The following CLVS1 variants were observed in gnomAD, a reference collection of about 807,000 sequenced individuals.
CLVS1 encodes clavesin 1, also known as clavesin-1.
Under a neutral mutation model 33.1 loss-of-function variants are expected in CLVS1, and 10 were observed. The observed-to-expected ratio is 0.30, with a 90% CI of 0.19 to 0.51. The LOEUF (loss-of-function observed/expected upper bound fraction) is 0.51. Ranked by LOEUF, CLVS1 falls within the 20% of genes least tolerant of loss-of-function variation. The pLI is 0.97. For synonymous variants in CLVS1, 163 were observed against 166.1 expected (o/e 0.98, Z 0.14); for missense variants, 343 against 433.4 (o/e 0.79, Z 1.85).
chr8:61,095,728 G>A (rs919728939), intron 1 of CLVS1, among the ~76,000 whole-genome samples: 17 of 152,192 alleles, frequency 1.1e-4, no homozygotes, highest in Non-Finnish European at 2.9e-5. Context: ...CAAGCATAGG[G>A]ATCAGGATGT....
At chr8:61,284,779 T>C (rs1287667840), upstream of CLVS1, among the ~76,000 whole-genome samples, 1 of 152,192 alleles carries the variant, frequency 6.6e-6, no homozygotes, top group Non-Finnish European at 1.5e-5. Flanking sequence ...TAAAACTAAA[T>C]ATTTATGCCA....
chr8:60,966,284 T>C, the CLVS1 span: 2 of 440,426 alleles, frequency 4.5e-6, no homozygotes. Context: ...ATGGGTGAGC[T>C]ATGCAGCCCA....
chr8:61,171,689 A>T (rs1807003823), intron 2 of CLVS1, among the ~76,000 whole-genome samples: 1 of 152,212 alleles, frequency 6.6e-6, no homozygotes, highest in Non-Finnish European at 1.5e-5. Flanking sequence ...CTGAGTGCAC[A>T]AGGGGATAAA....
At chr8:61,372,238 T>G (rs1394864399) in intron 2 of CLVS1, among the ~76,000 whole-genome samples, 1 of 152,122 alleles carries the variant, frequency 6.6e-6, no homozygotes, top group African/African-American at 2.4e-5. Flanking sequence ...TGTAAATGAT[T>G]TGGTAGAATG....
intron 3 of CLVS1, among the ~76,000 whole-genome samples, chr8:61,425,168 G>A (rs960235990): frequency 6.6e-6 from 1 of 152,148 alleles, no homozygotes; most frequent in African/African-American, 2.4e-5. Flanking sequence ...TGAACCTGTA[G>A]CCCATCTACC....
At chr8:61,241,094 G>A (rs1304913648) in intron 2 of CLVS1, among the ~76,000 whole-genome samples, 1 of 151,978 alleles carries the variant, frequency 6.6e-6, no homozygotes, top group Non-Finnish European at 1.5e-5. Context: ...TCCTTACATG[G>A]CAGTCACCTA....
intron 5 of CLVS1, among the ~76,000 whole-genome samples, chr8:61,473,505 T>A (rs1333095266): frequency 2.0e-5 from 3 of 152,142 alleles, no homozygotes; most frequent in Non-Finnish European, 2.9e-5. Flanking sequence ...GAAAAGTTTT[T>A]GCAAATGAGT....
intron 2 of CLVS1, among the ~76,000 whole-genome samples, chr8:61,212,001 G>T (rs1242181221): frequency 2.0e-5 from 3 of 152,198 alleles, no homozygotes; most frequent in Admixed American, 6.5e-5. Flanking sequence ...TCGATCCTCT[G>T]GGGGGAGTAT....
rs774679935 is a variant in CLVS1 at position 61,300,195 on chromosome 8, T to A, written c.368T>A (p.Ile123Asn). The A allele has an allele frequency of 1.9e-6, 3 of 1,614,014 alleles. No individual in the cohort carries two copies. The highest frequency in any genetic ancestry group is 2.5e-6 in the Non-Finnish European group (3 of 1,179,956). Reference protein sequence around the residue: ...ADDPGIKRALIDGFPGVLENR... With the variant: ...ADDPGIKRALNDGFPGVLENR... ...GATCCCGGCATTAAGAGGGCTCTGA[T>A]CGATGGGTTCCCCGGGGTGCTGGAA... Residue 123 changes from isoleucine to asparagine, a missense_variant, in exon 2 of 6, where the codon ATC (isoleucine) becomes AAC (asparagine). Coordinates refer to ENST00000325897, the MANE Select transcript of CLVS1 (RefSeq NM_173519.3).
chr8:61,010,367 A>G, the CLVS1 span, among the ~76,000 whole-genome samples: 1 of 152,276 alleles, frequency 6.6e-6, no homozygotes, highest in Non-Finnish European at 1.5e-5. Flanking sequence ...AACCGGATGC[A>G]TTAGAATTTC....
intron 5 of CLVS1, among the ~76,000 whole-genome samples, chr8:61,483,352 T>A (rs1329480659): frequency 6.6e-6 from 1 of 152,230 alleles, no homozygotes; most frequent in Non-Finnish European, 1.5e-5. Flanking sequence ...AAGAAATGGA[T>A]AAATTTCTGG....
intron 2 of CLVS1, among the ~76,000 whole-genome samples, chr8:61,144,354 A>T (rs1806374274): frequency 6.6e-6 from 1 of 152,152 alleles, no homozygotes; most frequent in Non-Finnish European, 1.5e-5. Flanking sequence ...TTCCAGCTTC[A>T]TCCATGTCCC....
intron 2 of CLVS1, among the ~76,000 whole-genome samples, chr8:61,270,035 A>C (rs1308849112): frequency 6.6e-6 from 1 of 151,864 alleles, no homozygotes; most frequent in Non-Finnish European, 1.5e-5. Flanking sequence ...CCCTGGCCAG[A>C]ACTTCCAACA....
chr8:61,216,671 G>A (rs1385831568), intron 2 of CLVS1, among the ~76,000 whole-genome samples: 3 of 152,168 alleles, frequency 2.0e-5, no homozygotes, highest in Non-Finnish European at 2.9e-5. Flanking sequence ...CTATAACAAG[G>A]ATTTGAACCC....
intron 1 of CLVS1, among the ~76,000 whole-genome samples, chr8:61,094,112 C>T (rs369397434): frequency 1.3e-5 from 2 of 152,148 alleles, no homozygotes; most frequent in African/African-American, 4.8e-5. Flanking sequence ...TTATTCTGAG[C>T]CCAAGTTTGA....
the CLVS1 span, among the ~76,000 whole-genome samples, chr8:61,015,539 T>A: frequency 4.1e-4 from 63 of 152,338 alleles, no homozygotes; most frequent in Non-Finnish European, 2.1e-4. Flanking sequence ...AACTACCTCA[T>A]CCACTCTGAG....
chr8:61,124,451 C>G (rs112503277), intron 1 of CLVS1, among the ~76,000 whole-genome samples: 136 of 152,310 alleles, frequency 8.9e-4, no homozygotes, highest in African/African-American at 2.8e-3. Context: ...TTCTTAGAAA[C>G]AGAGCACGCT....
chr8:61,230,267 T>C (rs1053366366), intron 2 of CLVS1, among the ~76,000 whole-genome samples: 5 of 152,182 alleles, frequency 3.3e-5, no homozygotes, highest in Non-Finnish European at 2.9e-5. Flanking sequence ...ATATCTTAAA[T>C]GTTAATACGA....
intron 5 of CLVS1, among the ~76,000 whole-genome samples, chr8:61,493,346 A>T (rs1336419530): frequency 1.3e-5 from 2 of 152,218 alleles, no homozygotes; most frequent in Non-Finnish European, 2.9e-5. Flanking sequence ...ATCAATCAAT[A>T]TTTCTGGACC....
Sources: gnomAD v4.1 joint callset for allele counts (sites outside exome capture counted in the v4.1 genomes callset) on GRCh38, gnomAD v4.1.1 for gene constraint, MANE v1.5 for transcripts, NCBI Gene and HGNC (gene_info 2026-07-23, HGNC 2026-07-21) for gene names.